CENPW: variants seen among roughly 807,000 people sequenced by gnomAD.
The protein encoded by CENPW is cancer-up-regulated gene 2 protein.
Under a neutral mutation model 11.1 loss-of-function variants are expected in CENPW, and 3 were observed. The observed-to-expected ratio is 0.27, with a 90% CI of 0.12 to 0.70. CENPW has a LOEUF of 0.70. Ranked by LOEUF, CENPW falls within the 30% of genes least tolerant of loss-of-function variation. The probability of loss-of-function intolerance (pLI) is 0.77; values close to 1 mark genes in which losing one functional copy is unlikely to be tolerated. For synonymous variants in CENPW, 38 were observed against 42.0 expected, an observed-to-expected ratio of 0.91 and a Z score of 0.37; for missense variants, 100 against 105.6, an observed-to-expected ratio of 0.95 and a Z score of 0.23.
chr6:126,392,198 T>C, the CENPW span, among the ~76,000 whole-genome samples: 1 of 151,940 alleles, frequency 6.6e-6, no homozygotes, highest in Non-Finnish European at 1.5e-5. Context: ...TTTGGTTAAA[T>C]TAATTCCTTG....
chr6:126,440,020 T>A, the CENPW span, among the ~76,000 whole-genome samples: 1 of 151,670 alleles, frequency 6.6e-6, no homozygotes, highest in Non-Finnish European at 1.5e-5. Flanking sequence ...CTAAGTTAGA[T>A]CATTTTTGGT....
the CENPW span, among the ~76,000 whole-genome samples, chr6:126,446,986 A>G: frequency 2.6e-5 from 4 of 151,222 alleles, no homozygotes; most frequent in African/African-American, 4.8e-5. Flanking sequence ...CTAAGAAGCT[A>G]TTTTGAATTA....
At chr6:126,462,704 A>G in the CENPW span, among the ~76,000 whole-genome samples, 3 of 151,884 alleles carry the variant, frequency 2.0e-5, no homozygotes, top group Non-Finnish European at 4.4e-5. Flanking sequence ...ACTCAAAATT[A>G]TTTATTTAAA....
At chr6:126,343,692 A>G (rs1350631451) in intron 1 of CENPW, among the ~76,000 whole-genome samples, 1 of 152,246 alleles carries the variant, frequency 6.6e-6, no homozygotes, top group Non-Finnish European at 1.5e-5. Flanking sequence ...GGAAGCATCC[A>G]GCACGGGAGA....
At chr6:126,481,952 T>A in the CENPW span, among the ~76,000 whole-genome samples, 1 of 152,144 alleles carries the variant, frequency 6.6e-6, no homozygotes, top group Non-Finnish European at 1.5e-5. Context: ...TATTTCCACA[T>A]GCTTATTGAT....
chr6:126,412,163 T>C, the CENPW span, among the ~76,000 whole-genome samples: 1 of 129,672 alleles, frequency 7.7e-6, no homozygotes, highest in African/African-American at 2.9e-5. Flanking sequence ...AGTTTTTAAA[T>C]TTTTTGTAAA....
the CENPW span, among the ~76,000 whole-genome samples, chr6:126,459,563 CA>C: frequency 7.9e-5 from 12 of 151,264 alleles, no homozygotes; most frequent in African/African-American, 2.2e-4. Context: ...ATTGAGTCAT[CA>C]AAAAAATATT....
chr6:126,349,997 G>T (rs1489423409), downstream of CENPW, among the ~76,000 whole-genome samples: 1 of 151,862 alleles, frequency 6.6e-6, no homozygotes. Flanking sequence ...TTGCACCTGG[G>T]ATCACAGGTG....
the CENPW span, among the ~76,000 whole-genome samples, chr6:126,375,796 G>T: frequency 3.3e-5 from 5 of 151,718 alleles, no homozygotes; most frequent in Admixed American, 2.0e-4. Flanking sequence ...TTATATTCAG[G>T]CCTTATAAAG....
At chr6:126,381,553 C>G in the CENPW span, among the ~76,000 whole-genome samples, 3 of 152,108 alleles carry the variant, frequency 2.0e-5, no homozygotes, top group African/African-American at 7.2e-5. Flanking sequence ...ACTTTTTTTG[C>G]CCTGTGTTCT....
Position 126,340,406 on chromosome 6 carries a change from TTCCATCCC to T in CENPW, c.126+9_126+16del. On this transcript the variant is annotated splice_region_variant and intron_variant, in intron 1 of 2. Coordinates refer to ENST00000368328, the MANE Select transcript of CENPW (RefSeq NM_001012507.4). The stretch of plus-strand genomic sequence containing the variant: ...GAAAAGTGGTGACTTATTGGTGAGA[TTCCATCCC>T]TTCTCGGGCTGGGAATGGGGCACGG... 6.2e-7 allele frequency: 1 copy of T among 1,614,082 alleles called. No individual in the cohort carries two copies. Among genetic ancestry groups the T allele is most frequent in the Non-Finnish European group, 8.5e-7 (1 of 1,180,004 alleles).
the CENPW span, among the ~76,000 whole-genome samples, chr6:126,407,316 T>G: frequency 1.3e-5 from 2 of 152,256 alleles, no homozygotes; most frequent in Admixed American, 6.5e-5. Context: ...TACCACATTT[T>G]CTTCATCCAG....
chr6:126,470,771 G>T, the CENPW span, among the ~76,000 whole-genome samples: 1 of 152,242 alleles, frequency 6.6e-6, no homozygotes, highest in Non-Finnish European at 1.5e-5. Flanking sequence ...GTGAGACATG[G>T]AGTAAAAGGA....
chr6:126,421,096 A>G, the CENPW span, among the ~76,000 whole-genome samples: 1 of 152,088 alleles, frequency 6.6e-6, no homozygotes, highest in Non-Finnish European at 1.5e-5. Flanking sequence ...TTTGGAAGAC[A>G]TATTCTCTTA....
chr6:126,373,089 C>G, the CENPW span, among the ~76,000 whole-genome samples: 5 of 151,938 alleles, frequency 3.3e-5, no homozygotes, highest in Admixed American at 3.3e-4. Context: ...AATAAATGTA[C>G]AAGATATAAA....
At chr6:126,355,728 G>C in the CENPW span, among the ~76,000 whole-genome samples, 63 of 152,250 alleles carry the variant, frequency 4.1e-4, no homozygotes, top group East Asian at 0.012. Flanking sequence ...TGTCCTGTGA[G>C]AGAGTACTTG....
chr6:126,411,175 A>G, the CENPW span, among the ~76,000 whole-genome samples: 2 of 152,138 alleles, frequency 1.3e-5, no homozygotes, highest in African/African-American at 4.8e-5. Flanking sequence ...ATGTGTGCCA[A>G]TTAGGAGGGG....
the CENPW span, among the ~76,000 whole-genome samples, chr6:126,378,131 A>C: frequency 6.6e-6 from 1 of 152,136 alleles, no homozygotes; most frequent in African/African-American, 2.4e-5. Context: ...CAGAAACTTA[A>C]CTTTTCTACC....
chr6:126,427,170 A>T, the CENPW span, among the ~76,000 whole-genome samples: 1 of 152,158 alleles, frequency 6.6e-6, no homozygotes, highest in Non-Finnish European at 1.5e-5. Flanking sequence ...GTTATGCCTC[A>T]TCGATTAAAC....
Sources: allele counts gnomAD v4.1 joint callset (sites outside exome capture counted in the v4.1 genomes callset), GRCh38; gene constraint gnomAD v4.1.1; transcripts MANE v1.5; gene names NCBI Gene and HGNC (gene_info 2026-07-23, HGNC 2026-07-21).